The following GRIN2B variants were observed in gnomAD, a reference collection of about 807,000 sequenced individuals.
GRIN2B encodes the protein glutamate receptor ionotropic, NMDA 2B.
A neutral mutation model predicts 114.5 loss-of-function variants in GRIN2B; 5 were observed. That is an observed-to-expected ratio of 0.04 (90% CI 0.02 to 0.09). The LOEUF (loss-of-function observed/expected upper bound fraction) is 0.09, where lower values mean the gene tolerates loss of function less well. Among genes scored for constraint, GRIN2B ranks in the 10% least tolerant of loss-of-function variants. The pLI, the probability that GRIN2B is intolerant of heterozygous loss-of-function variation, is 1.00. For synonymous variants in GRIN2B, 787 were observed against 745.1 expected (o/e 1.06, Z -0.92); for missense variants, 1,108 against 1,943.5 (o/e 0.57, Z 8.08).
chr12:13,651,147 T>C (rs1949808427), intron 5 of GRIN2B, among the ~76,000 whole-genome samples: 1 of 152,038 alleles, frequency 6.6e-6, no homozygotes, highest in South Asian at 2.1e-4. Context: ...ATACATCTGA[T>C]TGTCTCAAAA....
rs147594181 is a variant in GRIN2B at position 13,959,599 on chromosome 12, G to A, written c.-19+20329C>T. Among the ~76,000 whole-genome samples, 20 of 152,172 alleles carry A rather than the reference G, an allele frequency of 1.3e-4. No homozygotes were observed. In the South Asian group the frequency reaches 3.5e-3, roughly 27 times the overall value. ...AAGGAAACCATGCGGAGGGAGAACC[G>A]GCTGACATTGGCATGGAGTGGAAGT... is the stretch of plus-strand genomic sequence containing the variant. On this transcript the variant is annotated intron_variant, in intron 2 of 13. Transcript: ENST00000609686.
At chr12:13,573,650 C>T (rs1006642379) in intron 10 of GRIN2B, among the ~76,000 whole-genome samples, 1 of 152,166 alleles carries the variant, frequency 6.6e-6, no homozygotes, top group Non-Finnish European at 1.5e-5. Context: ...TATTTGAAGT[C>T]CTCTTGGTTT....
At chr12:13,677,463 G>A (rs1950086249) in intron 4 of GRIN2B, among the ~76,000 whole-genome samples, 1 of 152,128 alleles carries the variant, frequency 6.6e-6, no homozygotes, top group African/African-American at 2.4e-5. Context: ...GGATGTTTAA[G>A]CCTGTCATTC....
At chr12:13,972,961 C>T (rs1011421287) in intron 2 of GRIN2B, among the ~76,000 whole-genome samples, 1 of 152,136 alleles carries the variant, frequency 6.6e-6, no homozygotes, top group African/African-American at 2.4e-5. Flanking sequence ...GGATACATAT[C>T]CAATACACTA....
chr12:13,753,237 C>G lies in GRIN2B; in HGVS notation c.1010+80G>C, dbSNP rs1863516156. The G allele has an allele frequency of 3.4e-6, 3 of 873,740 alleles. No individual in the cohort carries two copies. Among genetic ancestry groups the G allele is most frequent in the Non-Finnish European group, 5.9e-6 (3 of 506,432 alleles). 54.1% of individuals were successfully genotyped at this position (873,740 alleles called of 1,614,324 possible). ...CTACCGTCTTGAACTGTTCTTCCTG[C>G]AGTTTCTGAACTTCCAACCCCAGTC... On this transcript the variant is annotated intron_variant, in intron 4 of 13. Transcript: ENST00000609686. The surrounding 1 kb of genome is among the most constrained non-coding windows in gnomAD (Gnocchi z 6.2).
At chr12:13,819,325 A>G (rs987992174) in intron 3 of GRIN2B, among the ~76,000 whole-genome samples, 1 of 152,150 alleles carries the variant, frequency 6.6e-6, no homozygotes, top group Non-Finnish European at 1.5e-5. Flanking sequence ...GCACCACCAC[A>G]TCTGTGGTAT....
intron 4 of GRIN2B, among the ~76,000 whole-genome samples, chr12:13,732,979 A>C (rs1393229470): frequency 1.3e-5 from 2 of 152,208 alleles, no homozygotes; most frequent in Non-Finnish European, 2.9e-5. Context: ...GCCAACGTGG[A>C]GCTAACAGTC....
chr12:13,967,640 C>T (rs185911969), intron 2 of GRIN2B, among the ~76,000 whole-genome samples: 5 of 152,334 alleles, frequency 3.3e-5, no homozygotes, highest in Admixed American at 3.3e-4. Flanking sequence ...CACACCAGGA[C>T]ATGAGGGTGG....
chr12:13,624,051 G>C (rs1023318875), intron 5 of GRIN2B, among the ~76,000 whole-genome samples: 1 of 152,150 alleles, frequency 6.6e-6, no homozygotes, highest in African/African-American at 2.4e-5. Flanking sequence ...CCACTGCCAT[G>C]ATACTGTCCC....
chr12:13,605,551 T>TCTCACACA, intron 10 of GRIN2B, among the ~76,000 whole-genome samples: 3 of 30,436 alleles, frequency 9.9e-5, no homozygotes, highest in Non-Finnish European at 1.5e-4. Flanking sequence ...TCTCTCTCTC[T>TCTCACACA]GACACACACA....
At position 13,662,617 on chromosome 12, in the gene GRIN2B, T is replaced by C. The variant is rs555054884; in HGVS notation, c.1125+13128A>G. 5.3e-5 allele frequency among the ~76,000 whole-genome samples: 8 copies of C among 152,274 alleles called. No individual in the cohort carries two copies. The East Asian group carries it at 5.8e-4, about 11-fold the overall frequency. ...CAGGCTCCTTGAGGAAGGGAACTTG[T>C]TGGTCTTGTTCAATACTGTTTCCCC... is the stretch of plus-strand genomic sequence containing the variant. On this transcript the variant is annotated intron_variant, in intron 5 of 13. Coordinates refer to ENST00000609686, the MANE Select transcript of GRIN2B (RefSeq NM_000834.5).
intron 3 of GRIN2B, among the ~76,000 whole-genome samples, chr12:13,809,738 A>G (rs2284420): frequency 0.096 from 14,578 of 152,292 alleles, 906 homozygotes; most frequent in South Asian, 0.18. Context: ...CTAAATGAAT[A>G]CTGAATAAAT....
intron 4 of GRIN2B, among the ~76,000 whole-genome samples, chr12:13,746,323 T>A (rs1273833715): frequency 6.6e-6 from 1 of 152,174 alleles, no homozygotes. Flanking sequence ...TATATACCTA[T>A]GACCCGCTTT....
chr12:13,664,471 A>G (rs1162606927), intron 5 of GRIN2B, among the ~76,000 whole-genome samples: 2 of 152,196 alleles, frequency 1.3e-5, no homozygotes, highest in African/African-American at 4.8e-5. Context: ...TCGTATCATT[A>G]CTATAAATGT....
At chr12:13,757,565 A>G (rs1863598969) in intron 3 of GRIN2B, among the ~76,000 whole-genome samples, 2 of 152,164 alleles carry the variant, frequency 1.3e-5, no homozygotes, top group Non-Finnish European at 2.9e-5. Flanking sequence ...TTATCTCCTA[A>G]TGTCATTACA....
At chr12:13,863,579 T>C (rs1487433891) in intron 3 of GRIN2B, among the ~76,000 whole-genome samples, 1 of 152,202 alleles carries the variant, frequency 6.6e-6, no homozygotes, top group Non-Finnish European at 1.5e-5. Context: ...CTTAGGTCGC[T>C]AACTGGTTAA....
intron 4 of GRIN2B, among the ~76,000 whole-genome samples, chr12:13,743,607 G>A (rs1448235229): frequency 6.6e-6 from 1 of 151,884 alleles, no homozygotes; most frequent in Non-Finnish European, 1.5e-5. Context: ...TCAAGCAGGG[G>A]AGGAAGAAAG....
chr12:13,724,966 G>T (rs1386281137), intron 4 of GRIN2B, among the ~76,000 whole-genome samples: 2 of 152,112 alleles, frequency 1.3e-5, no homozygotes, highest in East Asian at 3.9e-4. Context: ...CAGATAATTT[G>T]CTCCTCCTTT....
chr12:13,904,712 T>G (rs1416526299), intron 2 of GRIN2B, among the ~76,000 whole-genome samples: 1 of 152,140 alleles, frequency 6.6e-6, no homozygotes, highest in Non-Finnish European at 1.5e-5. Context: ...AAAAGACATT[T>G]TCACTGGTGT....
Sources: allele counts gnomAD v4.1 joint callset (sites outside exome capture counted in the v4.1 genomes callset), GRCh38; gene constraint gnomAD v4.1.1; non-coding constraint Gnocchi (gnomAD v3.1); transcripts MANE v1.5; gene names NCBI Gene and HGNC (gene_info 2026-07-23, HGNC 2026-07-21).